The following TLCD2 variants were observed in gnomAD, a reference collection of about 807,000 sequenced individuals.
The protein encoded by TLCD2 is TLC domain-containing protein 2.
A neutral mutation model predicts 14.0 loss-of-function variants in TLCD2; 12 were observed. The ratio of observed to expected loss-of-function variants is 0.86; its 90% CI spans 0.55 to 1.39. The LOEUF is 1.39. Among genes scored for constraint, TLCD2 ranks in the 40% most tolerant of loss-of-function variants. The pLI is 0.00. For missense variants in TLCD2, 360 were observed against 346.8 expected (o/e 1.04, Z -0.30); for synonymous variants, 166 against 156.5 (o/e 1.06, Z -0.45).
At chr17:1,709,222 T>A (rs1914137541) in intron 3 of TLCD2, among the ~76,000 whole-genome samples, 2 of 151,486 alleles carry the variant, frequency 1.3e-5, no homozygotes. Flanking sequence ...AACCCCGTCT[T>A]TACTAAAAAT....
rs1914085678 is a variant in TLCD2 at position 1,707,898 on chromosome 17, C to T, written c.667G>A (p.Val223Ile). 6.5e-7 allele frequency: 1 copy of T among 1,537,282 alleles called. No individual in the cohort carries two copies. The highest frequency in any genetic ancestry group is 1.2e-5 in the South Asian group (1 of 84,060). Reference sequence around the variant, plus strand: ...GGTCGAGACTGTAGGACATCATTGACCAGAATACGGATCCCCAATATGATG... The same window carrying T: ...GGTCGAGACTGTAGGACATCATTGATCAGAATACGGATCCCCAATATGATG... ...MSIILGIRIL[V>I]NDVLQSRPHP... is the part of the protein sequence containing the mutation. The change falls in exon 4 of 4, where the codon GTC (valine) becomes ATC (isoleucine). Residue 223 changes from valine to isoleucine, a missense_variant. Val to Ile is a conservative substitution (Grantham distance 29). Coordinates refer to ENST00000330676, the MANE Select transcript of TLCD2 (RefSeq NM_001164407.2).
Position 1,710,178 on chromosome 17 carries a change from C to A in TLCD2, c.65G>T (p.Gly22Val), listed in dbSNP as rs565588981. Residue 22 changes from glycine (G) to valine (V), a missense_variant, in exon 1 of 4, where the codon GGG becomes GTG. Transcript: ENST00000330676. This position sits in a 1 kb window ranked among gnomAD's most constrained non-coding sequence, Gnocchi z 6.1. ...TTCCGGCGTGGGCAGCCGCCGCAAC[C>A]CCCAGTGCAGCCCCCGGAACGCGAG... is the stretch of plus-strand genomic sequence containing the variant. ...SFLAFRGLHWGLRRLPTPESA... is the reference protein window; with the variant it reads ...SFLAFRGLHWVLRRLPTPESA... The A allele has an allele frequency of 6.5e-7, 1 of 1,532,446 alleles. No individual in the cohort carries two copies. Among genetic ancestry groups the A allele is most frequent in the African/African-American group, 1.4e-5 (1 of 72,822 alleles). 94.9% of individuals were successfully genotyped at this position (1,532,446 alleles called of 1,614,324 possible).
In TLCD2 at chr17:1,710,046, C is replaced by T. The variant is rs1914173748; in HGVS notation, c.176+21G>A. ...CACCCCTCGCCCTCGCCCCGTGCGC[C>T]TCGAGCCCCCAAGCCCGCACCCGAG... On this transcript the variant is annotated intron_variant, in intron 1 of 3. Transcript: ENST00000330676. The surrounding 1 kb of genome is among the most constrained non-coding windows in gnomAD (Gnocchi z 6.1). 6.5e-7 allele frequency: 1 copy of T among 1,531,234 alleles called. No individual in the cohort carries two copies. The allele number at this position is 1,531,234 out of a possible 1,614,324, so 94.9% of individuals were successfully genotyped here.
chr17:1,707,477 G>A lies in TLCD2; in HGVS notation c.*293C>T, dbSNP rs952413690. 1 of 381,410 alleles carries A rather than the reference G, an allele frequency of 2.6e-6. No homozygotes were observed. The highest frequency in any genetic ancestry group is 4.7e-6 in the Non-Finnish European group (1 of 212,702). The allele number at this position is 381,410 out of a possible 1,614,324, so 23.6% of individuals were successfully genotyped here. The stretch of plus-strand genomic sequence containing the variant: ...CACTGGCAGTTTCTTCCAGCTGCAT[G>A]CCTCCTGCCACCCTTTACTGATAGC... On this transcript the variant is annotated 3_prime_UTR_variant, in exon 4 of 4. Transcript: ENST00000330676.
rs966344854 is a variant in TLCD2, at chr17:1,703,095, T to C, written c.*4675A>G. The C allele has an allele frequency of 2.0e-5, 3 of 152,190 alleles. No individual in the cohort carries two copies. Among genetic ancestry groups the C allele is most frequent in the Non-Finnish European group, 4.4e-5 (3 of 68,042 alleles). 9.4% of individuals were successfully genotyped at this position (152,190 alleles called of 1,614,324 possible). A position where few individuals can be genotyped will look rare whatever the true frequency, so the allele number is the denominator to read the frequency against. On this transcript the variant is annotated 3_prime_UTR_variant, in exon 4 of 4. Coordinates refer to ENST00000330676, the MANE Select transcript of TLCD2 (RefSeq NM_001164407.2). ...ACCTCTGCATTTTTGAACGTCCTTTTTTTAGGGTCTTAATTGACCATTCTT... is the reference window on the plus strand; with the variant it reads ...ACCTCTGCATTTTTGAACGTCCTTTCTTTAGGGTCTTAATTGACCATTCTT...
In TLCD2 at chr17:1,706,958, G is replaced by T. The variant is rs1317853981; in HGVS notation, c.*812C>A. 1 of 149,134 alleles carries T rather than the reference G, an allele frequency of 6.7e-6. No homozygotes were observed. The highest frequency in any genetic ancestry group is 1.5e-5 in the Non-Finnish European group (1 of 67,062). The allele number at this position is 149,134 out of a possible 1,614,324, so 9.2% of individuals were successfully genotyped here. A position where few individuals can be genotyped will look rare whatever the true frequency, so the allele number is the denominator to read the frequency against. ...AGGCAGGTGGATTACTTGAGGTCAG[G>T]AGTTCGAGACCAGCCTGGGCAACAT... On this transcript the variant is annotated 3_prime_UTR_variant, in exon 4 of 4. Coordinates refer to ENST00000330676, the MANE Select transcript of TLCD2 (RefSeq NM_001164407.2).
rs1914034559 is a variant in TLCD2, at chr17:1,706,425, C to T, written c.*1345G>A. ...AGACTTCAGTGCCGTCCTAAGAAGA[C>T]AAACCAGCCCTGTGTTCATTCCTCT... On this transcript the variant is annotated 3_prime_UTR_variant, in exon 4 of 4. Coordinates refer to ENST00000330676, the MANE Select transcript of TLCD2 (RefSeq NM_001164407.2). 6.6e-6 allele frequency: 1 copy of T among 152,206 alleles called. No individual in the cohort carries two copies. The highest frequency in any genetic ancestry group is 1.5e-5 in the Non-Finnish European group (1 of 68,072). 9.4% of individuals were successfully genotyped at this position (152,206 alleles called of 1,614,324 possible).
chr17:1,710,201 G>T lies in TLCD2; in HGVS notation c.42C>A (p.Leu14=). The T allele has an allele frequency of 6.5e-7, 1 of 1,527,528 alleles. No individual in the cohort carries two copies. Among genetic ancestry groups the T allele is most frequent in the Non-Finnish European group, 8.7e-7 (1 of 1,143,990 alleles). The allele number at this position is 1,527,528 out of a possible 1,614,324, so 94.6% of individuals were successfully genotyped here. ...TGLLVAGASF[L]AFRGLHWGLR... ...ACCCCCAGTGCAGCCCCCGGAACGC[G>T]AGGAAGGAGGCGCCGGCCACCAGGA... Residue 14 remains leucine (L), a synonymous_variant, in exon 1 of 4, where the codon CTC becomes CTA. Coordinates refer to ENST00000330676, the MANE Select transcript of TLCD2 (RefSeq NM_001164407.2). The surrounding 1 kb of genome is among the most constrained non-coding windows in gnomAD (Gnocchi z 6.1).
intron 3 of TLCD2, among the ~76,000 whole-genome samples, chr17:1,708,702 C>CTCGAT: frequency 6.6e-6 from 1 of 152,142 alleles, no homozygotes; most frequent in African/African-American, 2.4e-5. Flanking sequence ...TCAGGATGGT[C>CTCGAT]TCGATCTCCT....
In TLCD2 at chr17:1,708,199, A is replaced by G. The variant is rs1280954133; in HGVS notation, c.366T>C (p.Ala122=). The change falls in exon 4 of 4, where the codon GCT becomes GCC. Residue 122 remains alanine (A), a synonymous_variant. Transcript: ENST00000330676. ...HLVVVSCLST[A]VLSGHYVGFS... is the part of the protein sequence containing the mutation. ...AGCCCACGTAGTGGCCAGACAGAAC[A>G]GCGGTGCTGAGGCAGCTCACCACCT... The G allele has an allele frequency of 1.8e-5, 28 of 1,531,340 alleles. No individual in the cohort carries two copies. Among genetic ancestry groups the G allele is most frequent in the Admixed American group, 3.9e-5 (2 of 50,680 alleles). 94.9% of individuals were successfully genotyped at this position (1,531,340 alleles called of 1,614,324 possible). A position where few individuals can be genotyped will look rare whatever the true frequency, so the allele number is the denominator to read the frequency against.
At chr17:1,709,452 G>C (rs901750452) in intron 3 of TLCD2, 47 bp downstream of exon 3, 2 of 1,379,314 alleles carry the variant, frequency 1.5e-6, no homozygotes, top group African/African-American at 2.9e-5. Flanking sequence ...GGCTGGACAG[G>C]GCTCCCCTCC....
Position 1,710,140 on chromosome 17 carries a change from C to T in TLCD2, c.103G>A (p.Asp35Asn), listed in dbSNP as rs1352842179. ...CAGAGGTTCCACCACTGCCAGCGGT[C>T]CCGAGCGGCCGATTCCGGCGTGGGC... ...RLPTPESAARDRWQWWNLCVS... is the reference protein window; with the variant it reads ...RLPTPESAARNRWQWWNLCVS... The change falls in exon 1 of 4, where the codon GAC becomes AAC. Residue 35 changes from aspartate to asparagine, a missense_variant. Physicochemically the swap from Asp to Asn is conservative, Grantham distance 23 (BLOSUM62 1). Transcript: ENST00000330676. This position sits in a 1 kb window ranked among gnomAD's most constrained non-coding sequence, Gnocchi z 6.1. 2.0e-6 allele frequency: 3 copies of T among 1,533,430 alleles called. No homozygotes were observed. Among genetic ancestry groups the T allele is most frequent in the Non-Finnish European group, 2.6e-6 (3 of 1,146,302 alleles). 95.0% of individuals were successfully genotyped at this position (1,533,430 alleles called of 1,614,324 possible). A position where few individuals can be genotyped will look rare whatever the true frequency, so the allele number is the denominator to read the frequency against.
Position 1,705,937 on chromosome 17 carries a change from CT to C in TLCD2, c.*1832del, listed in dbSNP as rs1914018944. ...GCAGAAGCAGCAGGGAGGAAGAAGA[CT>C]TTATGAATGTATCTCAGAAAAGTCC... On this transcript the variant is annotated 3_prime_UTR_variant, in exon 4 of 4. Transcript: ENST00000330676. 6.6e-6 allele frequency: 1 copy of C among 151,468 alleles called. No homozygotes were observed. The allele number at this position is 151,468 out of a possible 1,614,324, so 9.4% of individuals were successfully genotyped here. A position where few individuals can be genotyped will look rare whatever the true frequency, so the allele number is the denominator to read the frequency against.
chr17:1,707,944 C>A lies in TLCD2; in HGVS notation c.621G>T (p.Leu207=). 6.5e-7 allele frequency: 1 copy of A among 1,537,288 alleles called. No individual in the cohort carries two copies. The highest frequency in any genetic ancestry group is 8.7e-7 in the Non-Finnish European group (1 of 1,146,926). ...LALVTLGGIG[L]VTVGIMSIIL... ...TGATGCTCATGATGCCCACAGTGAC[C>A]AGCCCAATTCCACCCAGGGTGACCA... Residue 207 remains leucine, a synonymous_variant, in exon 4 of 4, where the codon CTG becomes CTT. Transcript: ENST00000330676.
At position 1,710,274 on chromosome 17, in the gene TLCD2, G is replaced by A. The variant is rs1280403202; in HGVS notation, c.-32C>T. The A allele has an allele frequency of 1.6e-5, 24 of 1,455,296 alleles. No homozygotes were observed. The highest frequency in any genetic ancestry group is 3.0e-5 in the African/African-American group (2 of 67,146). 90.1% of individuals were successfully genotyped at this position (1,455,296 alleles called of 1,614,324 possible). A position where few individuals can be genotyped will look rare whatever the true frequency, so the allele number is the denominator to read the frequency against. ...GCGGTTGGGGGGTTGCGGGGAGTCC[G>A]GGTCGGTCCCCTCGGCGCCCGCGCT... On this transcript the variant is annotated 5_prime_UTR_variant, in exon 1 of 4. Transcript: ENST00000330676. The surrounding 1 kb of genome is among the most constrained non-coding windows in gnomAD (Gnocchi z 6.1).
At position 1,709,911 on chromosome 17, in the gene TLCD2, G is replaced by GT. The variant is rs754895630; in HGVS notation, c.177-26_177-25insA. 9.3e-5 allele frequency: 141 copies of GT among 1,521,252 alleles called. 1 individual carries two copies. The highest frequency in any genetic ancestry group is 1.0e-4 in the Non-Finnish European group (115 of 1,136,284). 94.2% of individuals were successfully genotyped at this position (1,521,252 alleles called of 1,614,324 possible). ...GCTGGGGGCATGGGGTGGGGACATG[G>GT]GGGGGGGCATGGTCAGCCTCTCGAG... On this transcript the variant is annotated intron_variant, in intron 1 of 3. Transcript: ENST00000330676.
In TLCD2 at chr17:1,708,154, G is replaced by T; in HGVS notation, c.411C>A (p.Leu137=). The change falls in exon 4 of 4, where the codon CTC becomes CTA. Residue 137 remains leucine (L), a synonymous_variant. Transcript: ENST00000330676. ...HYVGFSMVSL[L]LELNSACLHL... The stretch of plus-strand genomic sequence containing the variant: ...GCAAGCAGGCAGAGTTCAGTTCCAG[G>T]AGCAGAGACACCATGGAGAAGCCCA... 1 of 1,536,710 alleles carries T rather than the reference G, an allele frequency of 6.5e-7. No individual in the cohort carries two copies. Among genetic ancestry groups the T allele is most frequent in the Non-Finnish European group, 8.7e-7 (1 of 1,146,880 alleles).
chr17:1,709,966 C>T (rs1023786221), intron 1 of TLCD2, 80 bp from the exon 2 acceptor site: 2 of 1,511,014 alleles, frequency 1.3e-6, no homozygotes, highest in East Asian at 2.5e-5. Context: ...TGTGCGCACC[C>T]CCACCCCAGT....
chr17:1,709,755 G>GC (rs1442249182), intron 2 of TLCD2, 49 bp downstream of exon 2: 21 of 1,322,848 alleles, frequency 1.6e-5, no homozygotes, highest in East Asian at 5.0e-5. Context: ...AGCAGAACCT[G>GC]CCCCCCGCCC....
Sources: gnomAD v4.1 joint callset for allele counts (sites outside exome capture counted in the v4.1 genomes callset) on GRCh38, gnomAD v4.1.1 for gene constraint, Gnocchi (gnomAD v3.1) non-coding constraint, MANE v1.5 for transcripts, NCBI Gene and HGNC (gene_info 2026-07-23, HGNC 2026-07-21) for gene names.